AUTS2: variants seen among roughly 807,000 people sequenced by gnomAD.
AUTS2 encodes the protein autism susceptibility gene 2 protein.
A neutral mutation model predicts 112.4 loss-of-function variants in AUTS2; 17 were observed. The observed-to-expected ratio is 0.15, with a 90% CI of 0.10 to 0.23. The LOEUF (loss-of-function observed/expected upper bound fraction) is 0.23, where lower values mean the gene tolerates loss of function less well. Among genes scored for constraint, AUTS2 ranks in the 10% least tolerant of loss-of-function variants. The pLI is 1.00. For missense variants in AUTS2, 1,510 were observed against 1,701.6 expected, an observed-to-expected ratio of 0.89 and a Z score of 1.98; for synonymous variants, 751 against 702.7, an observed-to-expected ratio of 1.07 and a Z score of -1.09.
chr7:69,685,878 T>C (rs1046415376), intron 1 of AUTS2, among the ~76,000 whole-genome samples: 1 of 152,106 alleles, frequency 6.6e-6, no homozygotes, highest in Non-Finnish European at 1.5e-5. Context: ...GTAGAGACTG[T>C]CTTGGAGTGT....
At chr7:70,638,404 A>G (rs1805633945) in intron 5 of AUTS2, among the ~76,000 whole-genome samples, 1 of 152,204 alleles carries the variant, frequency 6.6e-6, no homozygotes, top group Non-Finnish European at 1.5e-5. Flanking sequence ...ACTTGAGAGC[A>G]ACTCTGCAGA....
intron 3 of AUTS2, among the ~76,000 whole-genome samples, chr7:70,129,403 A>G (rs1282948629): frequency 6.6e-6 from 1 of 152,164 alleles, no homozygotes; most frequent in Non-Finnish European, 1.5e-5. Context: ...TACTCAGCAT[A>G]TCAATATAAA....
intron 5 of AUTS2, among the ~76,000 whole-genome samples, chr7:70,583,835 T>G (rs999384279): frequency 1.3e-5 from 2 of 152,234 alleles, no homozygotes; most frequent in Non-Finnish European, 2.9e-5. Flanking sequence ...AAATGGCCTC[T>G]GGCTACCAAG....
At chr7:70,774,176 G>C (rs569711101) in intron 12 of AUTS2, 77 bp downstream of exon 12, 1 of 1,352,518 alleles carries the variant, frequency 7.4e-7, no homozygotes, top group African/African-American at 1.4e-5. Context: ...CCCAGTGCTC[G>C]CATCTTCCTT....
At chr7:69,724,766 A>G (rs971152685) in intron 1 of AUTS2, among the ~76,000 whole-genome samples, 1 of 152,212 alleles carries the variant, frequency 6.6e-6, no homozygotes, top group African/African-American at 2.4e-5. Context: ...TTGTCAGCTG[A>G]ATATGGGCGT....
At chr7:70,546,198 C>A (rs554217802) in intron 5 of AUTS2, among the ~76,000 whole-genome samples, 1 of 152,208 alleles carries the variant, frequency 6.6e-6, no homozygotes, top group Admixed American at 6.5e-5. Flanking sequence ...AATCCCAGCA[C>A]TTTGGGAGGC....
chr7:70,175,798 G>A (rs916375661), intron 4 of AUTS2, among the ~76,000 whole-genome samples: 1 of 152,096 alleles, frequency 6.6e-6, no homozygotes, highest in Non-Finnish European at 1.5e-5. Flanking sequence ...TAGACATAAT[G>A]CTATTATACA....
chr7:70,096,651 A>G (rs900480862), intron 2 of AUTS2, among the ~76,000 whole-genome samples: 1 of 151,836 alleles, frequency 6.6e-6, no homozygotes, highest in African/African-American at 2.4e-5. Flanking sequence ...TGTGTAAAGG[A>G]CTATACTCAT....
chr7:69,755,667 A>G (rs575342213), intron 1 of AUTS2, among the ~76,000 whole-genome samples: 15 of 152,312 alleles, frequency 9.8e-5, no homozygotes, highest in African/African-American at 2.9e-4. Flanking sequence ...TTCCTTATCT[A>G]TCAGTCTCTA....
rs567122871 is a variant in AUTS2, at chr7:70,128,304, A to G, written c.625-6232A>G. Reference sequence around the variant, plus strand: ...CTGGGCATTTGAGGTTGAGTGGAGAACAAGATGAAACCTCTGCCCTCATGA... The same window carrying G: ...CTGGGCATTTGAGGTTGAGTGGAGAGCAAGATGAAACCTCTGCCCTCATGA... On this transcript the variant is annotated intron_variant, in intron 3 of 18. Transcript: ENST00000342771. Among the ~76,000 whole-genome samples the G allele has an allele frequency of 2.2e-4, 34 of 152,340 alleles. No homozygotes were observed. In the South Asian group the frequency reaches 3.5e-3, roughly 16 times the overall value.
At chr7:70,755,669 C>CA (rs373818101) in intron 6 of AUTS2, among the ~76,000 whole-genome samples, 2 of 148,344 alleles carry the variant, frequency 1.3e-5, no homozygotes, top group Non-Finnish European at 3.0e-5. Flanking sequence ...GACTCCATCT[C>CA]AAAAAAAAAA....
At chr7:70,040,806 T>TG (rs1801214429) in intron 2 of AUTS2, among the ~76,000 whole-genome samples, 1 of 152,238 alleles carries the variant, frequency 6.6e-6, no homozygotes, top group African/African-American at 2.4e-5. Context: ...CAGGTTACCC[T>TG]GGGGCGCCAT....
At chr7:70,573,880 C>T (rs1802050257) in intron 5 of AUTS2, among the ~76,000 whole-genome samples, 1 of 151,810 alleles carries the variant, frequency 6.6e-6, no homozygotes, top group South Asian at 2.1e-4. Context: ...TGGTTCCATA[C>T]ACTCCTGGTC....
chr7:70,302,999 G>C (rs1789293378), intron 4 of AUTS2, among the ~76,000 whole-genome samples: 1 of 149,880 alleles, frequency 6.7e-6, no homozygotes, highest in Non-Finnish European at 1.5e-5. Context: ...TTGATGAAAA[G>C]TTTTCTTTGA....
At chr7:70,502,051 C>T (rs1251534424) in intron 5 of AUTS2, among the ~76,000 whole-genome samples, 1 of 152,132 alleles carries the variant, frequency 6.6e-6, no homozygotes, top group Non-Finnish European at 1.5e-5. Context: ...AGAACTTGAC[C>T]ATTAGTCAAG....
chr7:70,433,217 G>A (rs768413405), intron 4 of AUTS2, among the ~76,000 whole-genome samples: 5 of 152,166 alleles, frequency 3.3e-5, no homozygotes, highest in Non-Finnish European at 5.9e-5. Flanking sequence ...CGTTAGGATA[G>A]GGGGCACAGT....
chr7:70,776,969 T>C, intron 13 of AUTS2, 134 bp from the exon 14 acceptor site: 1 of 779,328 alleles, frequency 1.3e-6, no homozygotes. Context: ...TGGAAGGCAC[T>C]TGGAGAGTAC....
At chr7:70,256,392 G>T (rs1786871578) in intron 4 of AUTS2, among the ~76,000 whole-genome samples, 1 of 152,178 alleles carries the variant, frequency 6.6e-6, no homozygotes, top group Non-Finnish European at 1.5e-5. Context: ...CAGCAATGGT[G>T]GTGTCGCCCA....
chr7:70,684,486 AC>A (rs569258667), intron 5 of AUTS2, among the ~76,000 whole-genome samples: 16 of 152,018 alleles, frequency 1.1e-4, no homozygotes, highest in Non-Finnish European at 2.2e-4. Context: ...ACTGAGATTT[AC>A]CCAGCAGTGG....
Sources: allele counts gnomAD v4.1 joint callset (sites outside exome capture counted in the v4.1 genomes callset), GRCh38; gene constraint gnomAD v4.1.1; transcripts MANE v1.5; gene names NCBI Gene and HGNC (gene_info 2026-07-23, HGNC 2026-07-21).